Variants in GRAMD1C observed in about 807,000 individuals in gnomAD.
GRAMD1C encodes protein Aster-C.
Under a neutral mutation model 97.8 loss-of-function variants are expected in GRAMD1C, and 89 were observed. The ratio of observed to expected loss-of-function variants is 0.91; its 90% CI spans 0.77 to 1.09. The LOEUF (loss-of-function observed/expected upper bound fraction) is 1.09, where lower values mean the gene tolerates loss of function less well. Ranked by LOEUF, GRAMD1C falls within the 50% of genes least tolerant of loss-of-function variation. GRAMD1C has a pLI of 0.00. For missense variants in GRAMD1C, 740 were observed against 766.4 expected (o/e 0.97, Z 0.41); for synonymous variants, 256 against 267.0 (o/e 0.96, Z 0.40).
At chr3:113,928,202 G>A (rs1372717952) in intron 10 of GRAMD1C, among the ~76,000 whole-genome samples, 2 of 152,116 alleles carry the variant, frequency 1.3e-5, no homozygotes, top group Non-Finnish European at 2.9e-5. Context: ...GATGGATTCT[G>A]ACATGGTTTC....
intron 10 of GRAMD1C, among the ~76,000 whole-genome samples, chr3:113,917,077 A>G (rs941574864): frequency 6.6e-6 from 1 of 152,176 alleles, no homozygotes; most frequent in Admixed American, 6.5e-5. Flanking sequence ...TGGAGGTTGC[A>G]GTGAGCTGAG....
intron 1 of GRAMD1C, among the ~76,000 whole-genome samples, chr3:113,839,261 A>C (rs1016215382): frequency 6.6e-6 from 1 of 152,054 alleles, no homozygotes; most frequent in Non-Finnish European, 1.5e-5. Flanking sequence ...ACCCACTGTC[A>C]ACGTTTTTTC....
At chr3:113,834,513 C>A (rs577264422), upstream of GRAMD1C, among the ~76,000 whole-genome samples, 1 of 152,248 alleles carries the variant, frequency 6.6e-6, no homozygotes, top group South Asian at 2.1e-4. Context: ...TGTATCCCCA[C>A]GGTCTTGTCA....
intron 2 of GRAMD1C, among the ~76,000 whole-genome samples, chr3:113,860,193 C>T (rs570372309): frequency 2.0e-5 from 3 of 152,038 alleles, no homozygotes; most frequent in East Asian, 1.9e-4. Context: ...AGCTAATTTT[C>T]GTATTTTTAG....
In GRAMD1C at chr3:113,850,493, A is replaced by T. The variant is rs559892083; in HGVS notation, c.174+5844A>T. ...GTCTCCGGGGCAGATGAAGATAATC[A>T]TGGAGATACTGGATGCCCTCATTGG... On this transcript the variant is annotated intron_variant, in intron 2 of 17. Coordinates refer to ENST00000358160, the MANE Select transcript of GRAMD1C (RefSeq NM_017577.5). 13 of 1,538,278 alleles carry T rather than the reference A, an allele frequency of 8.5e-6. No homozygotes were observed. In the South Asian group the frequency reaches 1.0e-4, roughly 12 times the overall value.
At chr3:113,871,292 AT>A (rs898835864) in intron 3 of GRAMD1C, among the ~76,000 whole-genome samples, 1 of 151,994 alleles carries the variant, frequency 6.6e-6, no homozygotes, top group Non-Finnish European at 1.5e-5. Flanking sequence ...AAAGTGCTTT[AT>A]TTTTTACTAT....
chr3:113,841,308 CAG>C (rs1271767748), intron 1 of GRAMD1C, among the ~76,000 whole-genome samples: 1 of 9,964 alleles, frequency 1.0e-4, no homozygotes, highest in East Asian at 6.1e-3. Context: ...TTTTGCGAGA[CAG>C]AGTCTTGCTC....
chr3:113,830,853 C>G (rs1199519861), intron 1 of GRAMD1C, among the ~76,000 whole-genome samples: 1 of 152,192 alleles, frequency 6.6e-6, no homozygotes, highest in Non-Finnish European at 1.5e-5. Flanking sequence ...AATCCCAGCA[C>G]TTTGGGAGGC....
rs1446333632 is a variant in GRAMD1C, at chr3:113,945,574, C to A, written c.*96C>A. 5.8e-6 allele frequency: 4 copies of A among 684,310 alleles called. No homozygotes were observed. Among genetic ancestry groups the A allele is most frequent in the Non-Finnish European group, 1.0e-5 (4 of 382,900 alleles). 42.4% of individuals were successfully genotyped at this position (684,310 alleles called of 1,614,324 possible). ...TGAAGGATTTTGGCATAGAACATTT[C>A]TATGTTTTTTCATTATTGAGATTTC... is the stretch of plus-strand genomic sequence containing the variant. On this transcript the variant is annotated 3_prime_UTR_variant, in exon 18 of 18. Transcript: ENST00000358160.
intron 9 of GRAMD1C, among the ~76,000 whole-genome samples, chr3:113,909,930 G>A (rs1458259857): frequency 6.6e-6 from 1 of 152,132 alleles, no homozygotes; most frequent in Non-Finnish European, 1.5e-5. Flanking sequence ...GCAAGAGCAT[G>A]GAAAGTTCAT....
chr3:113,893,004 T>C (rs560954168), intron 6 of GRAMD1C, among the ~76,000 whole-genome samples: 1 of 152,290 alleles, frequency 6.6e-6, no homozygotes, highest in Non-Finnish European at 1.5e-5. Context: ...TTATATGAAA[T>C]TCAAATTTCA....
At chr3:113,907,798 C>A (rs4682146) in intron 8 of GRAMD1C, among the ~76,000 whole-genome samples, 1 of 152,048 alleles carries the variant, frequency 6.6e-6, no homozygotes, top group East Asian at 1.9e-4. Context: ...TATCTGTATT[C>A]TTTATAGTAG....
chr3:113,885,888 A>T, intron 6 of GRAMD1C: 1 of 1,612,818 alleles, frequency 6.2e-7, no homozygotes, highest in Non-Finnish European at 8.5e-7. Context: ...CCATCCAGAC[A>T]ATGCCATCCC....
chr3:113,873,434 C>T (rs1162651616), intron 3 of GRAMD1C, among the ~76,000 whole-genome samples: 1 of 152,154 alleles, frequency 6.6e-6, no homozygotes, highest in Non-Finnish European at 1.5e-5. Flanking sequence ...CTGTCAGTAC[C>T]TGAGAGCTTG....
intron 2 of GRAMD1C, among the ~76,000 whole-genome samples, chr3:113,849,999 G>A (rs530933644): frequency 1.2e-4 from 15 of 128,518 alleles, no homozygotes; most frequent in South Asian, 4.9e-4. Context: ...CTCCCGGACG[G>A]GGTGGCTGGC....
intron 14 of GRAMD1C, 107 bp downstream of exon 14, chr3:113,936,549 C>G (rs754621285): frequency 1.2e-4 from 77 of 654,980 alleles, no homozygotes; most frequent in Admixed American, 1.9e-4. Flanking sequence ...CTTTTCTTCC[C>G]TCCTTTTTGG....
rs139941548 is a variant in GRAMD1C, at chr3:113,871,261, A to C, written c.259+1670A>C. Among the ~76,000 whole-genome samples the C allele has an allele frequency of 5.7e-3, 867 of 152,184 alleles. 9 individuals carry two copies. The highest frequency in any genetic ancestry group is 0.02 in the African/African-American group (829 of 41,544). ...TTTTGAAGTAGGCTTTAAGAGGAAA[A>C]ATTTAATCATTTTTCTTTTAAAAGT... On this transcript the variant is annotated intron_variant, in intron 3 of 17. Coordinates refer to ENST00000358160, the MANE Select transcript of GRAMD1C (RefSeq NM_017577.5).
At chr3:113,863,350 A>C (rs1934469518) in intron 2 of GRAMD1C, among the ~76,000 whole-genome samples, 1 of 152,142 alleles carries the variant, frequency 6.6e-6, no homozygotes. Context: ...GGGCCACAAG[A>C]GTGCATATCA....
intron 2 of GRAMD1C, among the ~76,000 whole-genome samples, chr3:113,861,583 A>G (rs1401462902): frequency 6.6e-6 from 1 of 152,222 alleles, no homozygotes; most frequent in Non-Finnish European, 1.5e-5. Flanking sequence ...GATCACCCAC[A>G]GAATGAGAAA....
Sources: allele counts gnomAD v4.1 joint callset (sites outside exome capture counted in the v4.1 genomes callset), GRCh38; gene constraint gnomAD v4.1.1; transcripts MANE v1.5; gene names NCBI Gene and HGNC (gene_info 2026-07-23, HGNC 2026-07-21).